GALNT13: variants seen among roughly 807,000 people sequenced by gnomAD.
The protein encoded by GALNT13 is UDP-GalNAc:polypeptide N-acetylgalactosaminyltransferase 13.
In GALNT13, 28 loss-of-function variants were observed where a neutral mutation model predicts 64.2. That is an observed-to-expected ratio of 0.44 (90% confidence interval 0.32 to 0.60). GALNT13 has a LOEUF of 0.60. Ranked by LOEUF, GALNT13 falls within the 20% of genes least tolerant of loss-of-function variation. The pLI is 0.05. For missense variants in GALNT13, 577 were observed against 669.8 expected (o/e 0.86, Z 1.53); for synonymous variants, 214 against 224.6 (o/e 0.95, Z 0.42).
At chr2:154,230,231 T>C (rs1004317725) in intron 4 of GALNT13, among the ~76,000 whole-genome samples, 1 of 152,114 alleles carries the variant, frequency 6.6e-6, no homozygotes, top group African/African-American at 2.4e-5. Flanking sequence ...TAAAATCCAG[T>C]GTTATTATTA....
At chr2:154,450,310 A>C in intron 12 of GALNT13, 101 bp from the exon 13 acceptor site, 2 of 1,036,242 alleles carry the variant, frequency 1.9e-6, no homozygotes, top group South Asian at 3.2e-5. Context: ...GTATTATACT[A>C]TAAAAATCAT....
intron 11 of GALNT13, among the ~76,000 whole-genome samples, chr2:154,435,008 C>T (rs563276744): frequency 5.1e-4 from 78 of 152,238 alleles, no homozygotes; most frequent in African/African-American, 1.9e-3. Flanking sequence ...AGGAAAGGCA[C>T]AGAAATTGAT....
At position 154,067,636 on chromosome 2, in the gene GALNT13, A is replaced by C. The variant is rs114803485; in HGVS notation, c.143-72701A>C. Among the ~76,000 whole-genome samples the C allele has an allele frequency of 6.0e-3, 918 of 152,212 alleles. 10 individuals are homozygous for C. The highest frequency in any genetic ancestry group is 0.021 in the African/African-American group (883 of 41,576). On this transcript the variant is annotated intron_variant, in intron 3 of 12. Transcript: ENST00000392825. Reference sequence around the variant, plus strand: ...CAACACTGGCACAGCCAGATATATAAAGGAAATATTAGAGCTAAAAAGAGA... The same window carrying C: ...CAACACTGGCACAGCCAGATATATACAGGAAATATTAGAGCTAAAAAGAGA...
At chr2:153,401,646 C>G in the GALNT13 span, among the ~76,000 whole-genome samples, 1 of 150,802 alleles carries the variant, frequency 6.6e-6, no homozygotes, top group South Asian at 2.1e-4. Flanking sequence ...ATAGTTAGCT[C>G]TTCTTGTTGA....
the GALNT13 span, among the ~76,000 whole-genome samples, chr2:153,269,063 T>G: frequency 0.13 from 20,139 of 152,254 alleles, 1,657 homozygotes; most frequent in Non-Finnish European, 0.18. Flanking sequence ...AACATTTGGC[T>G]CTTTGTTACT....
intron 3 of GALNT13, among the ~76,000 whole-genome samples, chr2:153,947,529 GT>G (rs147532510): frequency 4.0e-5 from 6 of 149,528 alleles, no homozygotes; most frequent in Non-Finnish European, 4.5e-5. Context: ...CTTTTTGGTG[GT>G]TTTTTTTTCT....
At chr2:154,090,993 A>G (rs1265050150) in intron 3 of GALNT13, among the ~76,000 whole-genome samples, 1 of 151,912 alleles carries the variant, frequency 6.6e-6, no homozygotes, top group Non-Finnish European at 1.5e-5. Context: ...TGAAAAAAAA[A>G]CCTCAGGAAG....
At chr2:154,349,359 C>T (rs191075267) in intron 9 of GALNT13, among the ~76,000 whole-genome samples, 1 of 152,300 alleles carries the variant, frequency 6.6e-6, no homozygotes, top group Admixed American at 6.5e-5. Flanking sequence ...TAAGTACCAC[C>T]TAAAATAGTT....
At chr2:153,671,551 G>A in the GALNT13 span, among the ~76,000 whole-genome samples, 1 of 152,276 alleles carries the variant, frequency 6.6e-6, no homozygotes, top group Non-Finnish European at 1.5e-5. Context: ...CCTGAAGGAA[G>A]CACTAAACAT....
the GALNT13 span, among the ~76,000 whole-genome samples, chr2:153,601,727 C>T: frequency 3.3e-5 from 5 of 151,698 alleles, no homozygotes; most frequent in East Asian, 9.7e-4. Flanking sequence ...ATATCTAGGC[C>T]TTCTATGACT....
chr2:153,220,932 G>A, the GALNT13 span, among the ~76,000 whole-genome samples: 2 of 152,122 alleles, frequency 1.3e-5, no homozygotes, highest in Admixed American at 1.3e-4. Flanking sequence ...GGAGCTAAAC[G>A]ATAAGAATAC....
chr2:153,842,396 CAA>C, the GALNT13 span, among the ~76,000 whole-genome samples: 397 of 152,150 alleles, frequency 2.6e-3, 1 homozygote, highest in African/African-American at 8.6e-3. Flanking sequence ...TAGGGAGTAT[CAA>C]AGAGCAGAGG....
chr2:153,437,817 C>T, the GALNT13 span, among the ~76,000 whole-genome samples: 1 of 152,130 alleles, frequency 6.6e-6, no homozygotes, highest in East Asian at 1.9e-4. Flanking sequence ...GAGCATTTAG[C>T]CCATTTACAT....
intron 3 of GALNT13, among the ~76,000 whole-genome samples, chr2:154,099,756 A>T (rs181161470): frequency 1.1e-4 from 16 of 152,200 alleles, no homozygotes; most frequent in Non-Finnish European, 2.2e-4. Flanking sequence ...CAGGAAACAC[A>T]GTGAAACCCT....
At chr2:154,211,629 C>CAAA (rs140095331) in intron 4 of GALNT13, among the ~76,000 whole-genome samples, 34 of 37,928 alleles carry the variant, frequency 9.0e-4, no homozygotes, top group African/African-American at 2.7e-3. Flanking sequence ...ACTCCATCTC[C>CAAA]AAAAAAAAAA....
the GALNT13 span, among the ~76,000 whole-genome samples, chr2:153,073,863 C>G: frequency 6.6e-6 from 1 of 151,834 alleles, no homozygotes; most frequent in African/African-American, 2.4e-5. Flanking sequence ...TTCATCTTCC[C>G]CCCTCCCTTT....
the GALNT13 span, among the ~76,000 whole-genome samples, chr2:153,845,459 C>T: frequency 6.6e-5 from 10 of 152,278 alleles, no homozygotes; most frequent in Non-Finnish European, 1.0e-4. Flanking sequence ...TCTGATCTTA[C>T]GTGAATGAAC....
chr2:153,085,925 C>T, the GALNT13 span, among the ~76,000 whole-genome samples: 2 of 152,180 alleles, frequency 1.3e-5, no homozygotes, highest in South Asian at 4.1e-4. Context: ...GAGGCTGTGC[C>T]CTGCAAAGCC....
At chr2:153,283,035 G>A in the GALNT13 span, among the ~76,000 whole-genome samples, 1 of 152,130 alleles carries the variant, frequency 6.6e-6, no homozygotes, top group African/African-American at 2.4e-5. Context: ...CAATGCAGGT[G>A]GACATATACT....
Sources: gnomAD v4.1 joint callset for allele counts (sites outside exome capture counted in the v4.1 genomes callset) on GRCh38, gnomAD v4.1.1 for gene constraint, MANE v1.5 for transcripts, NCBI Gene and HGNC (gene_info 2026-07-23, HGNC 2026-07-21) for gene names.